TIAM2: variants seen among roughly 807,000 people sequenced by gnomAD.
The protein encoded by TIAM2 is rho guanine nucleotide exchange factor TIAM2.
TIAM2 carries 80 observed loss-of-function variants against 152.9 expected under a neutral mutation model. That is an observed-to-expected ratio of 0.52 (90% confidence interval 0.44 to 0.63). TIAM2 has a LOEUF of 0.63. TIAM2 is among the 30% of genes least tolerant of loss of function. The pLI, the probability that TIAM2 is intolerant of heterozygous loss-of-function variation, is 0.00. For synonymous variants in TIAM2, 804 were observed against 838.0 expected (o/e 0.96, Z 0.70); for missense variants, 1,965 against 2,120.1 (o/e 0.93, Z 1.44).
At chr6:155,245,365 A>G (rs1783258522) in intron 18 of TIAM2, among the ~76,000 whole-genome samples, 1 of 152,178 alleles carries the variant, frequency 6.6e-6, no homozygotes, top group African/African-American at 2.4e-5. Flanking sequence ...GTATTTTTGT[A>G]GAACTTTCTT....
chr6:155,131,867 C>T (rs1352404645), intron 4 of TIAM2, among the ~76,000 whole-genome samples: 1 of 152,112 alleles, frequency 6.6e-6, no homozygotes, highest in African/African-American at 2.4e-5. Flanking sequence ...GCGTGAGCCA[C>T]CACATCCGGC....
At chr6:155,091,604 A>G (rs149526028) in intron 2 of TIAM2, among the ~76,000 whole-genome samples, 3 of 152,338 alleles carry the variant, frequency 2.0e-5, no homozygotes, top group African/African-American at 7.2e-5. Flanking sequence ...GAAGTTATCT[A>G]ATATCTCTGG....
At chr6:155,215,899 C>G (rs1190576811) in intron 15 of TIAM2, among the ~76,000 whole-genome samples, 1 of 151,762 alleles carries the variant, frequency 6.6e-6, no homozygotes, top group African/African-American at 2.4e-5. Flanking sequence ...CCTTGACCTC[C>G]TGGGCTCAAA....
intron 25 of TIAM2, 157 bp from the exon 26 acceptor site, chr6:155,254,262 C>A: frequency 9.5e-7 from 1 of 1,049,016 alleles, no homozygotes; most frequent in Non-Finnish European, 1.4e-6. Context: ...TCAATTCTCA[C>A]CTCCTTCTGT....
chr6:155,130,409 A>G lies in TIAM2; in HGVS notation c.1186A>G (p.Lys396Glu). The stretch of plus-strand genomic sequence containing the variant: ...GGGAAGCCTCTCAAGGAAGAAAAGG[A>G]AACTCCAGGTGAGCATACCTTAGAG... Reference protein sequence around the residue: ...WTGSLSRKKRKLQEPRSKEGS... With the variant: ...WTGSLSRKKRELQEPRSKEGS... Residue 396 changes from lysine (K) to glutamate (E), a missense_variant, in exon 4 of 27, where the codon AAA becomes GAA. This residue lies in a region of TIAM2 where 1,025 missense variants were observed against 1,119.4 expected (regional missense o/e 0.92). Coordinates refer to ENST00000682666, the MANE Select transcript of TIAM2 (RefSeq NM_012454.4). 1.9e-6 allele frequency: 3 copies of G among 1,613,174 alleles called. No individual in the cohort carries two copies. The highest frequency in any genetic ancestry group is 2.5e-6 in the Non-Finnish European group (3 of 1,179,772).
rs567978822 is a variant in TIAM2 at position 155,224,127 on chromosome 6, T to C, written c.3168+12820T>C. 3.3e-5 allele frequency among the ~76,000 whole-genome samples: 5 copies of C among 152,304 alleles called. No homozygotes were observed. In the South Asian group the frequency reaches 6.2e-4, roughly 19 times the overall value. On this transcript the variant is annotated intron_variant, in intron 15 of 26. Transcript: ENST00000682666. ...TTCTGTCAATATTCTTGCGTAGAGATTGTAGTCCAATGAAAACCTTGTACT... is the reference window on the plus strand; with the variant it reads ...TTCTGTCAATATTCTTGCGTAGAGACTGTAGTCCAATGAAAACCTTGTACT...
chr6:155,176,542 G>T (rs1162012000), intron 9 of TIAM2, among the ~76,000 whole-genome samples: 1 of 152,176 alleles, frequency 6.6e-6, no homozygotes, highest in Admixed American at 6.5e-5. Flanking sequence ...CCGGATTGTG[G>T]TGTTCTAACT....
In TIAM2 at chr6:155,114,044, TTTTTTC is replaced by T. The variant is rs1165752100; in HGVS notation, c.-117-13440_-117-13435del. On this transcript the variant is annotated intron_variant, in intron 2 of 26. Transcript: ENST00000682666. ...TATATATATATATATATATTTTTTT[TTTTTTC>T]TTTTTTTTTTTTTTTTTTTTTGAAA... is the stretch of plus-strand genomic sequence containing the variant. 2.3e-3 allele frequency among the ~76,000 whole-genome samples: 131 copies of T among 55,772 alleles called. 2 individuals carry two copies. Among genetic ancestry groups the T allele is most frequent in the East Asian group, 6.6e-3 (19 of 2,878 alleles). The allele number at this position is 55,772 out of a possible 152,430, so 36.6% of individuals were successfully genotyped here.
At chr6:155,211,657 CTTTTT>C (rs11314912) in intron 15 of TIAM2, among the ~76,000 whole-genome samples, 1 of 146,702 alleles carries the variant, frequency 6.8e-6, no homozygotes, top group Admixed American at 6.7e-5. Context: ...TTCTTTCTTA[CTTTTT>C]TTTTTTTGGC....
chr6:155,105,498 G>A (rs9397222), intron 2 of TIAM2, among the ~76,000 whole-genome samples: 31,002 of 151,988 alleles, frequency 0.2, 3,603 homozygotes, highest in South Asian at 0.43. Context: ...GTCTCCCTAT[G>A]TTGTCCAGGG....
chr6:155,208,301 C>T (rs147323395), intron 14 of TIAM2, among the ~76,000 whole-genome samples: 24 of 152,144 alleles, frequency 1.6e-4, no homozygotes, highest in African/African-American at 4.8e-4. Flanking sequence ...TCTTTTTTGA[C>T]GGCCTTATAC....
intron 14 of TIAM2, among the ~76,000 whole-genome samples, chr6:155,192,893 A>C (rs926108204): frequency 6.6e-6 from 1 of 152,200 alleles, no homozygotes; most frequent in African/African-American, 2.4e-5. Context: ...AAACTCAGCA[A>C]GTGGCCATTT....
Position 155,240,542 on chromosome 6 carries a change from A to G in TIAM2, c.3181A>G (p.Ile1061Val), listed in dbSNP as rs150461286. ...TGTCCTCTCTCAGAGTGCTGAGCAG[A>G]TCACTGCACTGTGCAGGAGTTTTAA... The part of the protein sequence containing the change: ...MEQTFRSAEQ[I>V]TALCRSFNDS... The change falls in exon 16 of 27, where the codon ATC becomes GTC. Residue 1061 changes from isoleucine (I) to valine (V), a missense_variant. Transcript: ENST00000682666. The G allele has an allele frequency of 5.6e-6, 9 of 1,612,312 alleles. No individual in the cohort carries two copies. The African/African-American group carries it at 1.2e-4, about 22-fold the overall frequency.
chr6:155,256,578 C>A lies in TIAM2; in HGVS notation c.4563C>A (p.Gly1521=). The A allele has an allele frequency of 6.2e-7, 1 of 1,614,190 alleles. No individual in the cohort carries two copies. Among genetic ancestry groups the A allele is most frequent in the Non-Finnish European group, 8.5e-7 (1 of 1,180,038 alleles). Residue 1521 remains glycine, a synonymous_variant, in exon 27 of 27, where the codon GGC becomes GGA. Coordinates refer to ENST00000682666, the MANE Select transcript of TIAM2 (RefSeq NM_012454.4). ...GAACCTTGCTGGACTCTGACGAGGG[C>A]AGCTTGAGCAGCGGCACCCAGAGCA... ...GKGTLLDSDE[G]SLSSGTQSSG...
chr6:155,109,383 G>A (rs73004908), intron 2 of TIAM2, among the ~76,000 whole-genome samples: 16 of 152,130 alleles, frequency 1.1e-4, no homozygotes, highest in African/African-American at 3.9e-4. Context: ...TTGAAATTAA[G>A]TGTGCCTTCT....
chr6:155,034,413 C>G (rs1197474507), intron 1 of TIAM2, among the ~76,000 whole-genome samples: 1 of 152,074 alleles, frequency 6.6e-6, no homozygotes, highest in Non-Finnish European at 1.5e-5. Flanking sequence ...CACCACCATG[C>G]CCGGCTAATT....
intron 1 of TIAM2, among the ~76,000 whole-genome samples, chr6:155,054,826 G>A (rs1347261930): frequency 2.0e-5 from 3 of 152,206 alleles, no homozygotes; most frequent in Admixed American, 6.5e-5. Context: ...ATTTTGGAAT[G>A]TTCCAGGAGA....
intron 16 of TIAM2, 147 bp from the exon 17 acceptor site, chr6:155,243,864 A>T (rs1165649459): frequency 1.7e-6 from 1 of 573,886 alleles, no homozygotes. Context: ...AAAAAAAAAA[A>T]AAAAAAAAAA....
At chr6:155,047,686 GAGGAGAGAGAGAGAGAGAGCGA>G (rs1263431868) in intron 1 of TIAM2, among the ~76,000 whole-genome samples, 402 of 21,752 alleles carry the variant, frequency 0.018, 9 homozygotes, top group Middle Eastern at 0.091. Flanking sequence ...GAGAGAGAGA[GAGGAGAGAGAGAGAGAGAGCGA>G]GAGAGAGAGA....
Sources: allele counts gnomAD v4.1 joint callset (sites outside exome capture counted in the v4.1 genomes callset), GRCh38; gene constraint gnomAD v4.1.1; regional missense constraint gnomAD v4.1.1; transcripts MANE v1.5; gene names NCBI Gene and HGNC (gene_info 2026-07-23, HGNC 2026-07-21).